Variants in SP3 observed in about 807,000 individuals in gnomAD.
The protein encoded by SP3 is Sp3 transcription factor.
In SP3, 10 loss-of-function variants were observed where a neutral mutation model predicts 70.3. That is an observed-to-expected ratio of 0.14 (90% CI 0.09 to 0.24). The LOEUF (loss-of-function observed/expected upper bound fraction) is 0.24, where lower values mean the gene tolerates loss of function less well. Among genes scored for constraint, SP3 ranks in the 10% least tolerant of loss-of-function variants. SP3 has a pLI of 1.00. For missense variants in SP3, 825 were observed against 914.6 expected (o/e 0.90, Z 1.26); for synonymous variants, 402 against 333.5 (o/e 1.21, Z -2.24).
chr2:173,913,528 G>T, intron 5 of SP3: 1 of 247,390 alleles, frequency 4.0e-6, no homozygotes, highest in Non-Finnish European at 7.7e-6. Flanking sequence ...GTAATTAAAA[G>T]GACATTTCAT....
chr2:173,916,635 A>C (rs1689623966), intron 5 of SP3: 2 of 152,084 alleles, frequency 1.3e-5, no homozygotes, highest in African/African-American at 4.8e-5. Context: ...TCAGACTTTC[A>C]AAGGTTAAAA....
rs1373578673 is a variant in SP3 at position 173,903,510 on chromosome 2, T to A, written c.*6431A>T. 2.0e-5 allele frequency among the ~76,000 whole-genome samples: 3 copies of A among 151,962 alleles called. No homozygotes were observed. The highest frequency in any genetic ancestry group is 7.3e-5 in the African/African-American group (3 of 41,344). ...AAAAAACACACAGAGTTACTAGGAG[T>A]AGAATTGAGAAAAATGCAATTAACA... On this transcript the variant is annotated 3_prime_UTR_variant, in exon 7 of 7. Transcript: ENST00000310015.
chr2:173,964,322 T>TGAGGCGAGGAGGGAGGGGA (rs1262246740), intron 2 of SP3, 83 bp downstream of exon 2: 162 of 452,850 alleles, frequency 3.6e-4, no homozygotes, highest in South Asian at 8.9e-4. Flanking sequence ...GAGGGAGGGG[T>TGAGGCGAGGAGGGAGGGGA]GAGGCGAGGA....
intron 4 of SP3, among the ~76,000 whole-genome samples, chr2:173,921,192 A>AT (rs1325007447): frequency 1.3e-5 from 2 of 152,072 alleles, no homozygotes; most frequent in Non-Finnish European, 2.9e-5. Flanking sequence ...GTTAAAGACA[A>AT]TTTTTTTGCT....
intron 4 of SP3, among the ~76,000 whole-genome samples, chr2:173,919,858 C>T (rs1485375857): frequency 6.6e-6 from 1 of 152,060 alleles, no homozygotes; most frequent in Non-Finnish European, 1.5e-5. Context: ...CCCCTAGGTA[C>T]ACAACCTACA....
At chr2:173,952,556 C>T in intron 4 of SP3, among the ~76,000 whole-genome samples, 1 of 152,074 alleles carries the variant, frequency 6.6e-6, no homozygotes, top group East Asian at 1.9e-4. Flanking sequence ...CAATCCAGTC[C>T]CAGGTACATA....
rs145779071 is a variant in SP3, at chr2:173,937,256, G to C, written c.1639+17617C>G. Reference sequence around the variant, plus strand: ...AAAGACATTTATTAAAAATTTATCTGACTTTCCCCTTCATATGCAAGAAAA... The same window carrying C: ...AAAGACATTTATTAAAAATTTATCTCACTTTCCCCTTCATATGCAAGAAAA... On this transcript the variant is annotated intron_variant, in intron 4 of 6. Coordinates refer to ENST00000310015, the MANE Select transcript of SP3 (RefSeq NM_003111.5). 2.0e-5 allele frequency among the ~76,000 whole-genome samples: 3 copies of C among 152,244 alleles called. No individual in the cohort carries two copies. In the East Asian group the frequency reaches 5.8e-4, roughly 29 times the overall value.
chr2:173,927,043 C>A (rs956760313), intron 4 of SP3, among the ~76,000 whole-genome samples: 19 of 152,040 alleles, frequency 1.2e-4, no homozygotes, highest in Non-Finnish European at 2.8e-4. Flanking sequence ...AAAAGGAGAG[C>A]TGGCAAGTCA....
rs140543666 is a variant in SP3 at position 173,918,708 on chromosome 2, G to A, written c.1717C>T (p.Leu573=). The A allele has an allele frequency of 2.8e-5, 45 of 1,613,588 alleles. No homozygotes were observed. The highest frequency in any genetic ancestry group is 1.0e-4 in the Admixed American group (6 of 59,948). The stretch of plus-strand genomic sequence containing the variant: ...ACCACCTGTACTCTTAAGTGTGTTA[G>A]GTCATTGGTATTCAAGGTAGAATCA... ...SGDSTLNTND[L]THLRVQVVDE... Residue 573 remains leucine (L), a synonymous_variant, in exon 5 of 7, where the codon CTA becomes TTA. Coordinates refer to ENST00000310015, the MANE Select transcript of SP3 (RefSeq NM_003111.5).
chr2:173,936,701 C>CT (rs1314528450), intron 4 of SP3, among the ~76,000 whole-genome samples: 1 of 152,148 alleles, frequency 6.6e-6, no homozygotes, highest in Non-Finnish European at 1.5e-5. Context: ...TTCTCAGAAA[C>CT]TTTAACATGC....
rs1300652192 is a variant in SP3, at chr2:173,927,474, CACCA to C, written c.1640-8693_1640-8690del. ...GTATTTTTTAGTAGAGACTGGGTTTCACCATGTTGGCCAGGCTGGTCTCGAACTC... is the reference window on the plus strand; with the variant it reads ...GTATTTTTTAGTAGAGACTGGGTTTCTGTTGGCCAGGCTGGTCTCGAACTC... On this transcript the variant is annotated intron_variant, in intron 4 of 6. Transcript: ENST00000310015. Among the ~76,000 whole-genome samples the C allele has an allele frequency of 9.5e-4, 145 of 152,116 alleles. 1 individual carries two copies. Among genetic ancestry groups the C allele is most frequent in the African/African-American group, 3.2e-3 (131 of 41,504 alleles).
At chr2:173,941,635 CCTTT>C (rs1690376410) in intron 4 of SP3, among the ~76,000 whole-genome samples, 1 of 152,132 alleles carries the variant, frequency 6.6e-6, no homozygotes, top group African/African-American at 2.4e-5. Flanking sequence ...ATTCCCTCCT[CCTTT>C]CTTAAGTAAT....
chr2:173,922,783 C>T (rs1282543804), intron 4 of SP3, among the ~76,000 whole-genome samples: 1 of 152,140 alleles, frequency 6.6e-6, no homozygotes, highest in Admixed American at 6.5e-5. Context: ...GTGATCTTGA[C>T]AAGAACTGTG....
intron 1 of SP3, chr2:173,964,766 CCT>C (rs889002162): frequency 6.7e-6 from 3 of 446,182 alleles, no homozygotes; most frequent in African/African-American, 6.4e-5. Context: ...TCCTCCTCCT[CCT>C]CTTTCCCTCC....
rs2105509260 is a variant in SP3, at chr2:173,963,755, A to G, written c.279+6T>C. The G allele has an allele frequency of 8.5e-7, 1 of 1,180,120 alleles. No individual in the cohort carries two copies. Among genetic ancestry groups the G allele is most frequent in the Non-Finnish European group, 1.1e-6 (1 of 936,056 alleles). 73.1% of individuals were successfully genotyped at this position (1,180,120 alleles called of 1,614,324 possible). A position where few individuals can be genotyped will look rare whatever the true frequency, so the allele number is the denominator to read the frequency against. On this transcript the variant is annotated splice_donor_region_variant and intron_variant, in intron 3 of 6. Transcript: ENST00000310015. ...TCGGCGGGGGCGGGCCGCGCGCGGG[A>G]CTTACCGCTCCGGCGGCGGCGGGGG...
chr2:173,936,861 T>C (rs1690222543), intron 4 of SP3, among the ~76,000 whole-genome samples: 1 of 151,992 alleles, frequency 6.6e-6, no homozygotes, highest in South Asian at 2.1e-4. Flanking sequence ...CCTATACAAA[T>C]CTAGATTCCC....
chr2:173,925,190 G>A (rs969908250), intron 4 of SP3, among the ~76,000 whole-genome samples: 7 of 152,180 alleles, frequency 4.6e-5, no homozygotes, highest in Admixed American at 6.5e-5. Context: ...GAGCCACCAC[G>A]CTCAGCCACA....
rs1690868946 is a variant in SP3 at position 173,955,895 on chromosome 2, A to G, written c.617T>C (p.Ile206Thr). ...GINQESSQIQIIPGSNQTLLA... is the reference protein window; with the variant it reads ...GINQESSQIQTIPGSNQTLLA... ...TAAGGTTTGATTAGAGCCAGGAATGATCTGAATTTGACTGCTTTCTTGATT... is the reference window on the plus strand; with the variant it reads ...TAAGGTTTGATTAGAGCCAGGAATGGTCTGAATTTGACTGCTTTCTTGATT... Residue 206 changes from isoleucine (I) to threonine (T), a missense_variant, in exon 4 of 7, where the codon ATC becomes ACC. This residue lies in a region of SP3 where 678 missense variants were observed against 651.6 expected (regional missense o/e 1.04). Coordinates refer to ENST00000310015, the MANE Select transcript of SP3 (RefSeq NM_003111.5). 1 of 1,614,064 alleles carries G rather than the reference A, an allele frequency of 6.2e-7. No individual in the cohort carries two copies. Among genetic ancestry groups the G allele is most frequent in the African/African-American group, 1.3e-5 (1 of 74,910 alleles).
rs891083393 is a variant in SP3, at chr2:173,918,756, G to A, written c.1669C>T (p.Pro557Ser). The change falls in exon 5 of 7, where the codon CCT (proline) becomes TCT (serine). Residue 557 changes from proline to serine, a missense_variant. Pro to Ser is a moderately conservative substitution (Grantham distance 74, BLOSUM62 -1). Around this residue, in one of 4 missense-constraint regions of SP3, gnomAD observed 678 missense variants for 651.6 expected, o/e 1.04. Transcript: ENST00000310015. ...TCACCACTGAGCTGCCACTCTTCAG[G>A]ATCAGGTTCTTCTTCCTTGATCCTA... is the stretch of plus-strand genomic sequence containing the variant. ...DIRIKEEEPD[P>S]EEWQLSGDST... 2 of 1,612,352 alleles carry A rather than the reference G, an allele frequency of 1.2e-6. No individual in the cohort carries two copies. The highest frequency in any genetic ancestry group is 1.7e-5 in the Admixed American group (1 of 59,882).
Sources: gnomAD v4.1 joint callset for allele counts (sites outside exome capture counted in the v4.1 genomes callset) on GRCh38, gnomAD v4.1.1 for gene constraint, gnomAD v4.1.1 regional missense constraint, MANE v1.5 for transcripts, NCBI Gene and HGNC (gene_info 2026-07-23, HGNC 2026-07-21) for gene names.